CFAP96: variants seen among roughly 807,000 people sequenced by gnomAD.
CFAP96 encodes the protein cilia and flagella associated protein 96.
chr4:185,424,134 C>A, the CFAP96 span, among the ~76,000 whole-genome samples: 2 of 100,398 alleles, frequency 2.0e-5, no homozygotes, highest in African/African-American at 6.4e-5. Flanking sequence ...AGACCCCCAT[C>A]TCTACCAAAA....
chr4:185,418,597 G>A, the CFAP96 span: 28 of 1,612,888 alleles, frequency 1.7e-5, no homozygotes, highest in African/African-American at 8.0e-5. Context: ...TGAATAAAGC[G>A]CAGTATGTTC....
At chr4:185,410,949 A>AAT in the CFAP96 span, among the ~76,000 whole-genome samples, 1 of 150,870 alleles carries the variant, frequency 6.6e-6, no homozygotes. Context: ...CCATCTCAAA[A>AAT]AAAAAAAAAA....
chr4:185,433,119 G>T, the CFAP96 span, among the ~76,000 whole-genome samples: 5 of 152,118 alleles, frequency 3.3e-5, no homozygotes. Context: ...TATCTTAGTT[G>T]TGACAACTGT....
the CFAP96 span, chr4:185,415,010 A>T: frequency 1.5e-6 from 1 of 655,946 alleles, no homozygotes; most frequent in Non-Finnish European, 2.4e-6. Context: ...AACAGAAATT[A>T]AATAATGTGT....
chr4:185,418,553 GA>G, the CFAP96 span: 1 of 1,610,220 alleles, frequency 6.2e-7, no homozygotes, highest in South Asian at 1.1e-5. Context: ...ATGATGTTTT[GA>G]AAACATTTCT....
chr4:185,413,054 C>T, the CFAP96 span, among the ~76,000 whole-genome samples: 2 of 152,120 alleles, frequency 1.3e-5, no homozygotes, highest in African/African-American at 2.4e-5. Flanking sequence ...GCCTGTAATC[C>T]CAGCACTTTG....
the CFAP96 span, among the ~76,000 whole-genome samples, chr4:185,434,234 AAAAAAT>A: frequency 6.6e-6 from 1 of 152,192 alleles, no homozygotes; most frequent in Non-Finnish European, 1.5e-5. Context: ...AAAAAAAACA[AAAAAAT>A]AAAAAAGAGT....
chr4:185,445,317 T>A, the CFAP96 span: 1 of 718,732 alleles, frequency 1.4e-6, no homozygotes, highest in Non-Finnish European at 2.2e-6. Flanking sequence ...CCCCATCTTC[T>A]GAAATTCCCA....
chr4:185,440,511 T>TA, the CFAP96 span: 241 of 1,387,610 alleles, frequency 1.7e-4, no homozygotes, highest in Non-Finnish European at 2.2e-4. Flanking sequence ...AAATTTGTGC[T>TA]ATGTAATTTC....
the CFAP96 span, among the ~76,000 whole-genome samples, chr4:185,430,589 T>A: frequency 9.2e-5 from 14 of 152,264 alleles, no homozygotes; most frequent in East Asian, 2.1e-3. Flanking sequence ...TTGGAACTAT[T>A]TGAATGTATT....
chr4:185,408,790 T>C, the CFAP96 span, among the ~76,000 whole-genome samples: 1 of 152,180 alleles, frequency 6.6e-6, no homozygotes, highest in Non-Finnish European at 1.5e-5. Context: ...AAATTAATTG[T>C]ACAGCTTGCA....
chr4:185,411,119 G>GT, the CFAP96 span, among the ~76,000 whole-genome samples: 4 of 147,596 alleles, frequency 2.7e-5, no homozygotes, highest in Non-Finnish European at 3.0e-5. Flanking sequence ...AAAGCCAAAA[G>GT]TTTTTTTTTT....
the CFAP96 span, among the ~76,000 whole-genome samples, chr4:185,443,343 T>TATATATATATATATATATA: frequency 6.3e-4 from 12 of 19,176 alleles, no homozygotes; most frequent in African/African-American, 7.2e-4. Flanking sequence ...TATATATATA[T>TATATATATATATATATATA]TTTTTTTTTT....
chr4:185,418,157 A>C, the CFAP96 span, among the ~76,000 whole-genome samples: 6 of 152,098 alleles, frequency 3.9e-5, no homozygotes, highest in African/African-American at 1.4e-4. Flanking sequence ...CATGATTCAG[A>C]ATGCGATTTA....
chr4:185,438,406 T>C, the CFAP96 span, among the ~76,000 whole-genome samples: 3 of 152,310 alleles, frequency 2.0e-5, no homozygotes, highest in Non-Finnish European at 2.9e-5. Flanking sequence ...TTTCATACAT[T>C]GTGGTTTTGC....
the CFAP96 span, among the ~76,000 whole-genome samples, chr4:185,418,161 C>T: frequency 5.3e-5 from 8 of 151,856 alleles, no homozygotes; most frequent in Non-Finnish European, 1.2e-4. Context: ...ATTCAGAATG[C>T]GATTTAATTT....
the CFAP96 span, among the ~76,000 whole-genome samples, chr4:185,440,287 G>A: frequency 6.3e-4 from 96 of 152,148 alleles, no homozygotes; most frequent in Non-Finnish European, 4.6e-4. Context: ...ATATAGATTC[G>A]TTCAGGTGAT....
chr4:185,413,749 G>A, the CFAP96 span: 9 of 1,612,866 alleles, frequency 5.6e-6, no homozygotes, highest in East Asian at 2.0e-4. Context: ...ATGTTAGGTG[G>A]ATTAAGGTAA....
the CFAP96 span, among the ~76,000 whole-genome samples, chr4:185,411,414 C>G: frequency 6.6e-6 from 1 of 151,844 alleles, no homozygotes; most frequent in South Asian, 2.1e-4. Flanking sequence ...TTTAGTAAAC[C>G]AGTATATCAC....
Sources: gnomAD v4.1 joint callset for allele counts (sites outside exome capture counted in the v4.1 genomes callset) on GRCh38, gnomAD v4.1.1 for gene constraint, MANE v1.5 for transcripts, NCBI Gene and HGNC (gene_info 2026-07-23, HGNC 2026-07-21) for gene names.